The following CBFA2T3 variants were observed in gnomAD, a reference collection of about 807,000 sequenced individuals.
The protein encoded by CBFA2T3 is transcriptional corepressor CBFA2T3.
In CBFA2T3, 31 loss-of-function variants were observed where a neutral mutation model predicts 58.6. The observed-to-expected ratio is 0.53, with a 90% CI of 0.40 to 0.71. The LOEUF is 0.71. Ranked by LOEUF, CBFA2T3 falls within the 30% of genes least tolerant of loss-of-function variation. CBFA2T3 has a pLI of 0.00. For synonymous variants in CBFA2T3, 531 were observed against 421.9 expected, an observed-to-expected ratio of 1.26 and a Z score of -3.17; for missense variants, 1,076 against 963.1, an observed-to-expected ratio of 1.12 and a Z score of -1.55.
chr16:88,910,104 C>G (rs985922351), intron 1 of CBFA2T3, among the ~76,000 whole-genome samples: 4 of 152,246 alleles, frequency 2.6e-5, no homozygotes, highest in Non-Finnish European at 5.9e-5. Context: ...CCTAACCACA[C>G]GCACTACCCC....
At chr16:88,883,968 C>T (rs538235508) in intron 7 of CBFA2T3, 1 of 152,386 alleles carries the variant, frequency 6.6e-6, no homozygotes, top group Non-Finnish European at 1.5e-5. Flanking sequence ...GCCTCCGAAC[C>T]TGAAATGGCT....
At position 88,877,126 on chromosome 16, in the gene CBFA2T3, G is replaced by T; in HGVS notation, c.1812C>A (p.Ala604=). ...QSLQGPTAVV[A]DPVPGPPEAA... is the part of the protein sequence containing the mutation. ...CTTCGGGCGGTCCAGGCACCGGGTC[G>T]GCCACCACGGCTGTGGGGCCCTGCA... The change falls in exon 12 of 12, where the codon GCC becomes GCA. Residue 604 remains alanine, a synonymous_variant. Transcript: ENST00000268679. 1 of 1,548,662 alleles carries T rather than the reference G, an allele frequency of 6.5e-7. No homozygotes were observed. The highest frequency in any genetic ancestry group is 1.2e-5 in the South Asian group (1 of 84,002).
At chr16:88,910,439 A>G (rs928668656) in intron 1 of CBFA2T3, among the ~76,000 whole-genome samples, 4 of 152,176 alleles carry the variant, frequency 2.6e-5, no homozygotes, top group African/African-American at 9.7e-5. Flanking sequence ...TGCCGGCCAC[A>G]CTGCAGGCAT....
intron 1 of CBFA2T3, among the ~76,000 whole-genome samples, chr16:88,942,680 G>T (rs537542424): frequency 6.6e-6 from 1 of 152,362 alleles, no homozygotes; most frequent in African/African-American, 2.4e-5. Flanking sequence ...GTGTGGCCCA[G>T]CCAGTTCCTC....
intron 1 of CBFA2T3, among the ~76,000 whole-genome samples, chr16:88,954,229 C>A (rs1017036729): frequency 9.2e-5 from 14 of 152,300 alleles, no homozygotes; most frequent in African/African-American, 2.9e-4. Context: ...GGCACCCTGA[C>A]CACCATGATA....
intron 1 of CBFA2T3, among the ~76,000 whole-genome samples, chr16:88,956,794 G>T (rs1972230601): frequency 6.6e-6 from 1 of 152,216 alleles, no homozygotes; most frequent in Admixed American, 6.5e-5. Flanking sequence ...TTTGGAACTG[G>T]ACCGCATGGC....
intron 5 of CBFA2T3, among the ~76,000 whole-genome samples, chr16:88,889,712 G>A (rs545097223): frequency 2.8e-4 from 42 of 151,286 alleles, no homozygotes; most frequent in African/African-American, 9.0e-4. Flanking sequence ...GACACCCCGC[G>A]ATTCCTCCTC....
At chr16:88,940,251 C>CG (rs1971669363) in intron 1 of CBFA2T3, 1 of 155,544 alleles carries the variant, frequency 6.4e-6, no homozygotes, top group Non-Finnish European at 1.4e-5. Context: ...GACGCAGGGG[C>CG]GGGGGAGCGC....
chr16:88,936,284 T>G (rs561117574), intron 1 of CBFA2T3, among the ~76,000 whole-genome samples: 1 of 152,336 alleles, frequency 6.6e-6, no homozygotes, highest in South Asian at 2.1e-4. Context: ...AGGTCCCACC[T>G]GCTGCCTCCC....
intron 7 of CBFA2T3, chr16:88,883,311 G>C (rs1044930594): frequency 6.4e-6 from 1 of 155,852 alleles, no homozygotes; most frequent in Non-Finnish European, 1.4e-5. Context: ...AGGCGCCCAT[G>C]ACTCCGATGA....
Position 88,886,066 on chromosome 16 carries a change from G to T in CBFA2T3, c.788C>A (p.Ala263Asp). Residue 263 changes from alanine (A) to aspartate (D), a missense_variant, in exon 6 of 12, where the codon GCC becomes GAC. By Grantham distance (126) the Ala-to-Asp change is moderately radical. Transcript: ENST00000268679. ...GTCCAGCAGGAGCTGCTCATGCTGG[G>T]CCAAGTACTGGGCGGGCGTCTGCTT... ...LAKQTPAQYL[A>D]QHEQLLLDAS... 6.3e-7 allele frequency: 1 copy of T among 1,590,342 alleles called. No individual in the cohort carries two copies. Among genetic ancestry groups the T allele is most frequent in the Non-Finnish European group, 8.5e-7 (1 of 1,173,808 alleles).
chr16:88,896,883 C>T (rs925597162), intron 3 of CBFA2T3, among the ~76,000 whole-genome samples: 3 of 152,220 alleles, frequency 2.0e-5, no homozygotes, highest in African/African-American at 7.2e-5. Flanking sequence ...CTCGCCTGCC[C>T]GCGCACTCCC....
chr16:88,959,895 G>A (rs898897934), intron 1 of CBFA2T3, among the ~76,000 whole-genome samples: 5 of 152,070 alleles, frequency 3.3e-5, no homozygotes, highest in African/African-American at 7.2e-5. Context: ...ATGCAGTGAC[G>A]GGCGTCTGTA....
chr16:88,920,907 A>G (rs73254273), intron 1 of CBFA2T3, among the ~76,000 whole-genome samples: 7,651 of 152,348 alleles, frequency 0.05, 459 homozygotes, highest in African/African-American at 0.14. Context: ...AGCAGGGCCA[A>G]ACTCACTGGG....
Position 88,881,820 on chromosome 16 carries a change from G to A in CBFA2T3, c.1204-331C>T, listed in dbSNP as rs150704559. On this transcript the variant is annotated intron_variant, in intron 8 of 11. Coordinates refer to ENST00000268679, the MANE Select transcript of CBFA2T3 (RefSeq NM_005187.6). ...GGGCTCCCCTTCCAAAAAGCATGAGGGCGAGGGGCGAGGCTGACAACAGTG... is the reference window on the plus strand; with the variant it reads ...GGGCTCCCCTTCCAAAAAGCATGAGAGCGAGGGGCGAGGCTGACAACAGTG... Among the ~76,000 whole-genome samples, 1,255 of 152,356 alleles carry A rather than the reference G, an allele frequency of 8.2e-3. 19 individuals are homozygous for A. The highest frequency in any genetic ancestry group is 0.029 in the African/African-American group (1,192 of 41,576).
At chr16:88,882,604 G>C in intron 8 of CBFA2T3, 72 bp downstream of exon 8, 1 of 903,268 alleles carries the variant, frequency 1.1e-6, no homozygotes, top group Non-Finnish European at 1.7e-6. Context: ...GGCTGTGTGT[G>C]CGTGGCTGTG....
chr16:88,893,177 G>C (rs987600197), intron 3 of CBFA2T3, among the ~76,000 whole-genome samples: 1 of 150,646 alleles, frequency 6.6e-6, no homozygotes, highest in African/African-American at 2.5e-5. Flanking sequence ...CCAGCCCTGA[G>C]CAATGTCCCC....
intron 1 of CBFA2T3, among the ~76,000 whole-genome samples, chr16:88,960,319 C>T (rs1307123191): frequency 1.3e-5 from 2 of 152,234 alleles, no homozygotes; most frequent in Non-Finnish European, 2.9e-5. Flanking sequence ...CTGCTGAACT[C>T]ACGGGGCCAG....
In CBFA2T3 at chr16:88,892,299, C is replaced by A; in HGVS notation, c.566G>T (p.Ser189Ile). The A allele has an allele frequency of 6.2e-7, 1 of 1,612,820 alleles. No homozygotes were observed. The change falls in exon 4 of 12, where the codon AGC becomes ATC. Residue 189 changes from serine to isoleucine, a missense_variant. Transcript: ENST00000268679. Reference protein sequence around the residue: ...RFLTTLQQFGSDISPEIGERV... With the variant: ...RFLTTLQQFGIDISPEIGERV... The stretch of plus-strand genomic sequence containing the variant: ...CTCCCCAATCTCTGGGGAGATGTCG[C>A]TGCCAAACTGCTGCAGTGTGGTGAG...
Sources: allele counts gnomAD v4.1 joint callset (sites outside exome capture counted in the v4.1 genomes callset), GRCh38; gene constraint gnomAD v4.1.1; transcripts MANE v1.5; gene names NCBI Gene and HGNC (gene_info 2026-07-23, HGNC 2026-07-21).